MMEL1: variants seen among roughly 807,000 people sequenced by gnomAD.
MMEL1 encodes the protein membrane metalloendopeptidase like 1.
In MMEL1, 98 loss-of-function variants were observed where a neutral mutation model predicts 117.1. That is an observed-to-expected ratio of 0.84 (90% CI 0.71 to 0.99). MMEL1 has a LOEUF of 0.99. MMEL1 is among the 50% of genes least tolerant of loss of function. The probability of loss-of-function intolerance (pLI) is 0.00; values close to 1 mark genes in which losing one functional copy is unlikely to be tolerated. For missense variants in MMEL1, 1,014 were observed against 1,049.1 expected (o/e 0.97, Z 0.46); for synonymous variants, 390 against 415.1 (o/e 0.94, Z 0.74).
rs143064486 is a variant in MMEL1 at position 2,613,567 on chromosome 1, G to A, written c.155-1363C>T. On this transcript the variant is annotated intron_variant, in intron 2 of 23. Coordinates refer to ENST00000378412, the MANE Select transcript of MMEL1 (RefSeq NM_033467.4). ...AGCATGGGCACTTTTAGAAACCCAC[G>A]AGAGCTGAGGACATAGAGAAACCAG... is the stretch of plus-strand genomic sequence containing the variant. Among the ~76,000 whole-genome samples, 651 of 152,238 alleles carry A rather than the reference G, an allele frequency of 4.3e-3. 2 individuals are homozygous for A. Among genetic ancestry groups the A allele is most frequent in the African/African-American group, 0.015 (611 of 41,530 alleles).
chr1:2,594,990 T>C, intron 16 of MMEL1, 97 bp from the exon 17 acceptor site: 2 of 1,053,878 alleles, frequency 1.9e-6, no homozygotes, highest in Non-Finnish European at 2.9e-6. Context: ...CCTCAAGCCT[T>C]GCCAGGCGTC....
At chr1:2,602,569 T>C (rs551723458) in intron 11 of MMEL1, among the ~76,000 whole-genome samples, 1 of 152,310 alleles carries the variant, frequency 6.6e-6, no homozygotes, top group Admixed American at 6.5e-5. Flanking sequence ...AGCCTCTGAT[T>C]GGCTTCTCTG....
In MMEL1 at chr1:2,612,425, G is replaced by A. The variant is rs558484019; in HGVS notation, c.155-221C>T. 3.3e-5 allele frequency among the ~76,000 whole-genome samples: 5 copies of A among 152,204 alleles called. No individual in the cohort carries two copies. The highest frequency in any genetic ancestry group is 2.1e-4 in the South Asian group (1 of 4,822). On this transcript the variant is annotated intron_variant, in intron 2 of 23. Transcript: ENST00000378412. The surrounding 1 kb of genome is among the most constrained non-coding windows in gnomAD (Gnocchi z 5.4). ...GTCCTGCTGGGCTTGAATGGGGGGC[G>A]GTTTGCCCTGCCTTGCCAGCCCCAC... is the stretch of plus-strand genomic sequence containing the variant.
chr1:2,599,503 G>A, intron 11 of MMEL1, among the ~76,000 whole-genome samples: 1 of 152,206 alleles, frequency 6.6e-6, no homozygotes, highest in East Asian at 1.9e-4. Context: ...TATTTCAACA[G>A]ATGCAGAAAA....
intron 18 of MMEL1, chr1:2,594,184 C>T (rs540861670): frequency 2.2e-4 from 169 of 784,194 alleles, no homozygotes; most frequent in African/African-American, 1.7e-3. Context: ...GGCTCTGGGC[C>T]GCCTGCCAAG....
At chr1:2,607,994 C>A in intron 6 of MMEL1, among the ~76,000 whole-genome samples, 1 of 152,130 alleles carries the variant, frequency 6.6e-6, no homozygotes, top group Non-Finnish European at 1.5e-5. Context: ...AGTTGCGTTC[C>A]AGTTTTCCAC....
chr1:2,604,070 C>T (rs567414572), intron 10 of MMEL1, 77 bp downstream of exon 10: 49 of 1,574,778 alleles, frequency 3.1e-5, no homozygotes, highest in African/African-American at 2.6e-4. Context: ...CCAGCACCCC[C>T]TCACCTTGGC....
At position 2,606,734 on chromosome 1, in the gene MMEL1, G is replaced by A. The variant is rs532181025; in HGVS notation, c.631+240C>T. Among the ~76,000 whole-genome samples the A allele has an allele frequency of 1.9e-4, 29 of 152,250 alleles. 1 individual carries two copies. In the South Asian group the frequency reaches 5.6e-3, roughly 29 times the overall value. On this transcript the variant is annotated intron_variant, in intron 7 of 23. Transcript: ENST00000378412. ...TCGAGCGCTCCTAGGGGCCGAGGAGGGGCACCCCTCTGCAGGGCTGGATGG... is the reference window on the plus strand; with the variant it reads ...TCGAGCGCTCCTAGGGGCCGAGGAGAGGCACCCCTCTGCAGGGCTGGATGG...
chr1:2,618,900 G>A (rs183819066), intron 2 of MMEL1, among the ~76,000 whole-genome samples: 3 of 152,330 alleles, frequency 2.0e-5, no homozygotes, highest in Non-Finnish European at 4.4e-5. Flanking sequence ...TATGGAAGCT[G>A]GCACCACTGG....
intron 2 of MMEL1, among the ~76,000 whole-genome samples, chr1:2,628,996 G>T (rs1300538790): frequency 1.3e-5 from 2 of 151,894 alleles, no homozygotes; most frequent in Admixed American, 1.3e-4. Context: ...AGGGGCGGGC[G>T]ACGGGTCTGC....
chr1:2,615,301 A>G (rs906104276), intron 2 of MMEL1, among the ~76,000 whole-genome samples: 2 of 152,220 alleles, frequency 1.3e-5, no homozygotes, highest in Non-Finnish European at 2.9e-5. Flanking sequence ...ATCAACAGTG[A>G]TAAGTCCAGT....
chr1:2,609,212 A>G lies in MMEL1; in HGVS notation c.535+127T>C, dbSNP rs1645085390. The G allele has an allele frequency of 7.0e-6, 6 of 859,996 alleles. No homozygotes were observed. In the South Asian group the frequency reaches 7.8e-5, roughly 11 times the overall value. The allele number at this position is 859,996 out of a possible 1,614,324, so 53.3% of individuals were successfully genotyped here. A position where few individuals can be genotyped will look rare whatever the true frequency, so the allele number is the denominator to read the frequency against. On this transcript the variant is annotated intron_variant, in intron 6 of 23. Transcript: ENST00000378412. The stretch of plus-strand genomic sequence containing the variant: ...GGACACAGCACATAGACCCTCTGGC[A>G]TGAGTCCTAAAGGCACCCACTCCTA...
chr1:2,632,803 G>A, intron 1 of MMEL1, 63 bp downstream of exon 1: 5 of 939,416 alleles, frequency 5.3e-6, no homozygotes, highest in Non-Finnish European at 5.1e-6. Flanking sequence ...CCCAGGAGAG[G>A]GCCTGGAGAG....
At chr1:2,611,244 T>G in intron 4 of MMEL1, 37 bp downstream of exon 4, 1 of 1,551,844 alleles carries the variant, frequency 6.4e-7, no homozygotes, top group Non-Finnish European at 8.7e-7. Flanking sequence ...CCCCCAGCCC[T>G]TGGGCAGGCT....
chr1:2,591,496 C>T lies in MMEL1; in HGVS notation c.2240+61G>A, dbSNP rs1644706481. On this transcript the variant is annotated intron_variant, in intron 23 of 23. Transcript: ENST00000378412. ...TTTTGTGCTTTCTTCTTTTACAGGC[C>T]ACTGGGGTGGGGGTGAGGGGGTTGT... 3.0e-6 allele frequency: 4 copies of T among 1,355,182 alleles called. No homozygotes were observed. In the Admixed American group the frequency reaches 5.0e-5, roughly 17 times the overall value. 83.9% of individuals were successfully genotyped at this position (1,355,182 alleles called of 1,614,324 possible).
chr1:2,604,126 C>CA, intron 10 of MMEL1, 21 bp downstream of exon 10: 1 of 1,414,760 alleles, frequency 7.1e-7, no homozygotes, highest in Non-Finnish European at 9.9e-7. Context: ...GCCCGCTCCC[C>CA]ACCCGCCCCG....
chr1:2,613,139 G>T (rs1645155090), intron 2 of MMEL1, among the ~76,000 whole-genome samples: 3 of 152,248 alleles, frequency 2.0e-5, no homozygotes, highest in African/African-American at 2.4e-5. Flanking sequence ...GTTCAGATGT[G>T]AGCCTGACAG....
chr1:2,605,698 G>T (rs1645013173), intron 8 of MMEL1, 75 bp from the exon 9 acceptor site: 1 of 1,124,478 alleles, frequency 8.9e-7, no homozygotes. Flanking sequence ...GGCTGCAGCC[G>T]CCTCCCCACA....
chr1:2,630,641 G>A (rs541651712), intron 1 of MMEL1, among the ~76,000 whole-genome samples: 5 of 151,736 alleles, frequency 3.3e-5, no homozygotes, highest in South Asian at 2.1e-4. Context: ...CTGTGCTCGC[G>A]TGTGTGCGTG....
Sources: allele counts gnomAD v4.1 joint callset (sites outside exome capture counted in the v4.1 genomes callset), GRCh38; gene constraint gnomAD v4.1.1; non-coding constraint Gnocchi (gnomAD v3.1); transcripts MANE v1.5; gene names NCBI Gene and HGNC (gene_info 2026-07-23, HGNC 2026-07-21).